CNST: variants seen among roughly 807,000 people sequenced by gnomAD.
CNST encodes consortin.
CNST carries 39 observed loss-of-function variants against 72.4 expected under a neutral mutation model. The observed-to-expected ratio is 0.54, with a 90% CI of 0.42 to 0.70. The LOEUF (loss-of-function observed/expected upper bound fraction) is 0.70, where lower values mean the gene tolerates loss of function less well. Ranked by LOEUF, CNST falls within the 30% of genes least tolerant of loss-of-function variation. CNST has a pLI of 0.00. For missense variants in CNST, 871 were observed against 868.5 expected (o/e 1.00, Z -0.04); for synonymous variants, 332 against 320.1 (o/e 1.04, Z -0.40).
chr1:246,589,455 T>TA (rs1272078895), intron 1 of CNST, among the ~76,000 whole-genome samples: 1 of 152,084 alleles, frequency 6.6e-6, no homozygotes, highest in African/African-American at 2.4e-5. Context: ...CATCATTTTT[T>TA]ATGGATGCAT....
chr1:246,606,345 C>T (rs1205518297), intron 2 of CNST: 1 of 152,014 alleles, frequency 6.6e-6, no homozygotes, highest in Non-Finnish European at 1.5e-5. Flanking sequence ...CCCATCCCTT[C>T]CAGGTTTGGA....
In CNST at chr1:246,628,114, C is replaced by T. The variant is rs141083801; in HGVS notation, c.586-3780C>T. On this transcript the variant is annotated intron_variant, in intron 3 of 10. Transcript: ENST00000366513. ...GGGCTGGGAGGCTAGGCCTGTCTCT[C>T]TTTTTCATGTTTTTCTGCCTGCTTT... Among the ~76,000 whole-genome samples, 1,326 of 152,158 alleles carry T rather than the reference C, an allele frequency of 8.7e-3. 8 individuals are homozygous for T. Among genetic ancestry groups the T allele is most frequent in the Middle Eastern group, 0.027 (8 of 294 alleles).
rs956313518 is a variant in CNST, at chr1:246,647,614, G to A, written c.1413G>A (p.Leu471=). ...CACTTCGGGATGCTTCTGAGGCGTT[G>A]CCCACAGACCAACTTGAGAACAATG... The part of the protein sequence containing the change: ...RLPLRDASEA[L]PTDQLENNEL... Residue 471 remains leucine (L), a synonymous_variant, in exon 9 of 11, where the codon TTG becomes TTA. Coordinates refer to ENST00000366513, the MANE Select transcript of CNST (RefSeq NM_152609.3). The A allele has an allele frequency of 1.2e-6, 2 of 1,614,178 alleles. No individual in the cohort carries two copies. Among genetic ancestry groups the A allele is most frequent in the African/African-American group, 2.7e-5 (2 of 75,050 alleles).
intron 2 of CNST, among the ~76,000 whole-genome samples, chr1:246,592,730 G>A: frequency 6.6e-6 from 1 of 152,150 alleles, no homozygotes; most frequent in Admixed American, 6.5e-5. Context: ...TAAAATACAG[G>A]AACATATATT....
intron 4 of CNST, chr1:246,632,527 C>A: frequency 5.5e-6 from 1 of 180,828 alleles, no homozygotes; most frequent in South Asian, 1.7e-4. Context: ...CAGTAAATCT[C>A]AAAGCTAGCT....
chr1:246,598,214 G>T (rs1662016830), intron 2 of CNST, among the ~76,000 whole-genome samples: 1 of 150,138 alleles, frequency 6.7e-6, no homozygotes, highest in South Asian at 2.1e-4. Context: ...TGAATTCCTA[G>T]GCTCAAGCCA....
In CNST at chr1:246,647,729, C is replaced by G; in HGVS notation, c.1528C>G (p.Leu510Val). The stretch of plus-strand genomic sequence containing the variant: ...TGACTCAGACGGTTCTGAGAATGTG[C>G]TCTGTGGAAATAATCAAATATCTGA... The part of the protein sequence containing the change: ...QADSDGSENV[L>V]CGNNQISDLG... Residue 510 changes from leucine to valine, a missense_variant, in exon 9 of 11, where the codon CTC (leucine) becomes GTC (valine). Coordinates refer to ENST00000366513, the MANE Select transcript of CNST (RefSeq NM_152609.3). 6.2e-7 allele frequency: 1 copy of G among 1,614,142 alleles called. No individual in the cohort carries two copies. The highest frequency in any genetic ancestry group is 8.5e-7 in the Non-Finnish European group (1 of 1,180,026).
intron 8 of CNST, among the ~76,000 whole-genome samples, chr1:246,645,509 G>A (rs1433961068): frequency 7.0e-6 from 1 of 142,566 alleles, no homozygotes; most frequent in Non-Finnish European, 1.5e-5. Flanking sequence ...CTCACAGCAA[G>A]CTCCGCCTCC....
At chr1:246,615,137 G>A (rs1419737470) in intron 2 of CNST, among the ~76,000 whole-genome samples, 1 of 152,064 alleles carries the variant, frequency 6.6e-6, no homozygotes, top group African/African-American at 2.4e-5. Flanking sequence ...CTCAATCAAG[G>A]TAATTTCCCC....
At chr1:246,654,948 G>A (rs553245259) in intron 9 of CNST, among the ~76,000 whole-genome samples, 3 of 152,244 alleles carry the variant, frequency 2.0e-5, no homozygotes, top group Admixed American at 6.5e-5. Context: ...GGAGAGACAC[G>A]TAATAAGTTA....
At chr1:246,597,564 T>C (rs561768540) in intron 2 of CNST, among the ~76,000 whole-genome samples, 1 of 152,288 alleles carries the variant, frequency 6.6e-6, no homozygotes, top group South Asian at 2.1e-4. Flanking sequence ...AAGCCAGAAA[T>C]AGGCAGCACA....
chr1:246,611,838 T>C (rs1226214132), intron 2 of CNST, among the ~76,000 whole-genome samples: 1 of 152,190 alleles, frequency 6.6e-6, no homozygotes, highest in Admixed American at 6.5e-5. Flanking sequence ...CAGATGTCCA[T>C]CAACTGATGA....
chr1:246,578,429 T>G (rs1056044773), intron 1 of CNST, among the ~76,000 whole-genome samples: 1 of 151,988 alleles, frequency 6.6e-6, no homozygotes. Flanking sequence ...TCCCAGCACT[T>G]TGGGAGGCTG....
At chr1:246,603,160 C>T (rs953214532) in intron 2 of CNST, among the ~76,000 whole-genome samples, 4 of 152,062 alleles carry the variant, frequency 2.6e-5, no homozygotes, top group African/African-American at 4.8e-5. Flanking sequence ...TACATATTAA[C>T]CTAGATGAAT....
chr1:246,600,585 AAAAG>A (rs1662213191), intron 2 of CNST, among the ~76,000 whole-genome samples: 1 of 152,220 alleles, frequency 6.6e-6, no homozygotes. Flanking sequence ...AGATATGAAA[AAAAG>A]AGTCCAGGAT....
intron 9 of CNST, among the ~76,000 whole-genome samples, chr1:246,648,395 C>T (rs1666253490): frequency 6.6e-6 from 1 of 152,094 alleles, no homozygotes. Flanking sequence ...TCTTCTCATA[C>T]ATCTAGCAGA....
At chr1:246,650,769 C>T (rs2103142251) in intron 9 of CNST, among the ~76,000 whole-genome samples, 1 of 150,604 alleles carries the variant, frequency 6.6e-6, no homozygotes, top group South Asian at 2.1e-4. Context: ...CCTCCATCTC[C>T]TGGGTTCAAG....
chr1:246,636,952 C>G (rs61852409), intron 6 of CNST, among the ~76,000 whole-genome samples: 8,627 of 152,216 alleles, frequency 0.057, 343 homozygotes, highest in Middle Eastern at 0.092. Flanking sequence ...AGGGCGGCTA[C>G]TGACCGTATA....
chr1:246,634,248 A>AT (rs2103101727), intron 5 of CNST: 5 of 556,010 alleles, frequency 9.0e-6, no homozygotes, highest in Non-Finnish European at 1.3e-5. Flanking sequence ...AACTATTTGC[A>AT]TTTTTCCTAA....
Sources: allele counts gnomAD v4.1 joint callset (sites outside exome capture counted in the v4.1 genomes callset), GRCh38; gene constraint gnomAD v4.1.1; transcripts MANE v1.5; gene names NCBI Gene and HGNC (gene_info 2026-07-23, HGNC 2026-07-21).